Variants in VWC2L observed in about 807,000 individuals in gnomAD.
The protein encoded by VWC2L is von Willebrand factor C domain containing 2 like, also known as von Willebrand factor C domain-containing protein 2-like.
In VWC2L, 10 loss-of-function variants were observed where a neutral mutation model predicts 21.6. The observed-to-expected ratio is 0.46, with a 90% CI of 0.29 to 0.78. The LOEUF is 0.78. Ranked by LOEUF, VWC2L falls within the 30% of genes least tolerant of loss-of-function variation. VWC2L has a pLI of 0.10. For synonymous variants in VWC2L, 96 were observed against 94.3 expected (o/e 1.02, Z -0.10); for missense variants, 209 against 277.1 (o/e 0.75, Z 1.74).
intron 3 of VWC2L, among the ~76,000 whole-genome samples, chr2:214,478,013 C>G (rs1037367627): frequency 1.3e-5 from 2 of 152,136 alleles, no homozygotes; most frequent in African/African-American, 4.8e-5. Flanking sequence ...CTCAGACAGG[C>G]CTTTGGGCAC....
chr2:214,489,500 T>A (rs1688717146), intron 3 of VWC2L, among the ~76,000 whole-genome samples: 1 of 152,156 alleles, frequency 6.6e-6, no homozygotes. Context: ...ACAGAGATTT[T>A]AAATATGTTA....
At chr2:214,542,647 C>T (rs543249836) in intron 3 of VWC2L, among the ~76,000 whole-genome samples, 10 of 152,234 alleles carry the variant, frequency 6.6e-5, no homozygotes, top group South Asian at 4.1e-4. Flanking sequence ...CTGCAGGCAG[C>T]GGTCAAAACA....
Position 214,489,603 on chromosome 2 carries a change from G to A in VWC2L, c.520+52845G>A, listed in dbSNP as rs181904964. On this transcript the variant is annotated intron_variant, in intron 3 of 3. Coordinates refer to ENST00000312504, the MANE Select transcript of VWC2L (RefSeq NM_001080500.4). ...TGATGTTGAGATTTCTGGCTTAATG[G>A]ATTTTGGAACCTTCACTGAGATAGG... Among the ~76,000 whole-genome samples the A allele has an allele frequency of 1.2e-4, 19 of 152,314 alleles. No individual in the cohort carries two copies. The East Asian group carries it at 3.3e-3, about 26-fold the overall frequency.
intron 2 of VWC2L, 182 bp from the exon 3 acceptor site, chr2:214,436,447 T>C: frequency 1.5e-6 from 1 of 668,676 alleles, no homozygotes; most frequent in Non-Finnish European, 2.4e-6. Flanking sequence ...CAGGTTGTAA[T>C]CCACTGTGAC....
chr2:214,435,661 C>T (rs145874593), intron 2 of VWC2L, among the ~76,000 whole-genome samples: 2 of 152,174 alleles, frequency 1.3e-5, no homozygotes, highest in African/African-American at 4.8e-5. Flanking sequence ...AGATTGGAGG[C>T]AGAGCTTTCT....
At chr2:214,512,467 C>A (rs1012695019) in intron 3 of VWC2L, among the ~76,000 whole-genome samples, 5 of 151,986 alleles carry the variant, frequency 3.3e-5, no homozygotes, top group Non-Finnish European at 7.4e-5. Context: ...AGACTTAATA[C>A]CTGGGTGACA....
intron 3 of VWC2L, among the ~76,000 whole-genome samples, chr2:214,559,596 C>T (rs1006082248): frequency 2.0e-5 from 3 of 149,362 alleles, no homozygotes; most frequent in Admixed American, 6.6e-5. Context: ...CAAATTTAAT[C>T]CCATTCTTTT....
intron 3 of VWC2L, among the ~76,000 whole-genome samples, chr2:214,468,665 C>A (rs1418385579): frequency 6.6e-6 from 1 of 151,942 alleles, no homozygotes; most frequent in Admixed American, 6.6e-5. Flanking sequence ...TTAACTTTAT[C>A]ACTCAGTTTC....
chr2:214,414,204 A>G lies in VWC2L; in HGVS notation c.11A>G (p.His4Arg), dbSNP rs1574551528. 2 of 1,611,054 alleles carry G rather than the reference A, an allele frequency of 1.2e-6. No homozygotes were observed. Among genetic ancestry groups the G allele is most frequent in the Non-Finnish European group, 8.5e-7 (1 of 1,179,180 alleles). Residue 4 changes from histidine (H) to arginine (R), a missense_variant, in exon 2 of 4, where the codon CAT (histidine) becomes CGT (arginine). Transcript: ENST00000312504. ...TCTTTGAAGAGGGGGATGGCTCTTCATATTCATGAAGCTTGCATACTTCTG... is the reference window on the plus strand; with the variant it reads ...TCTTTGAAGAGGGGGATGGCTCTTCGTATTCATGAAGCTTGCATACTTCTG... The part of the protein sequence containing the change: MAL[H>R]IHEACILLLV...
intron 3 of VWC2L, among the ~76,000 whole-genome samples, chr2:214,489,629 G>T (rs1476689830): frequency 6.6e-6 from 1 of 152,204 alleles, no homozygotes; most frequent in Admixed American, 6.5e-5. Flanking sequence ...CTGAGATAGG[G>T]AGCTCTGGAG....
rs1559337178 is a variant in VWC2L at position 214,577,695 on chromosome 2, A to T, written c.*1875A>T. The T allele has an allele frequency of 2.0e-5, 3 of 152,036 alleles. No individual in the cohort carries two copies. The South Asian group carries it at 6.2e-4, about 32-fold the overall frequency. The allele number at this position is 152,036 out of a possible 1,614,324, so 9.4% of individuals were successfully genotyped here. Reference sequence around the variant, plus strand: ...CTATAGGCCCACCCTCAGGAAACATATTTTTTTGAGTCTTGTCAACTGGTT... The same window carrying T: ...CTATAGGCCCACCCTCAGGAAACATTTTTTTTTGAGTCTTGTCAACTGGTT... On this transcript the variant is annotated 3_prime_UTR_variant, in exon 4 of 4. Transcript: ENST00000312504.
intron 3 of VWC2L, among the ~76,000 whole-genome samples, chr2:214,559,971 T>C (rs1689940824): frequency 6.6e-6 from 1 of 152,210 alleles, no homozygotes. Flanking sequence ...AAGTTATATT[T>C]CCAGTGCCTG....
chr2:214,542,114 T>C (rs1350815608), intron 3 of VWC2L, among the ~76,000 whole-genome samples: 2 of 152,130 alleles, frequency 1.3e-5, no homozygotes, highest in African/African-American at 4.8e-5. Flanking sequence ...CTTCCTCTTA[T>C]TTTAGGTGGC....
intron 3 of VWC2L, among the ~76,000 whole-genome samples, chr2:214,496,245 T>TTATTTTGGGACATATA (rs1553594758): frequency 7.0e-6 from 1 of 142,552 alleles, no homozygotes; most frequent in African/African-American, 2.6e-5. Flanking sequence ...TATTACAATC[T>TTATTTTGGGACATATA]TATGGGACAA....
intron 3 of VWC2L, among the ~76,000 whole-genome samples, chr2:214,481,390 CTG>C (rs1688601925): frequency 6.6e-6 from 1 of 152,174 alleles, no homozygotes; most frequent in African/African-American, 2.4e-5. Context: ...AAAGGCTCAG[CTG>C]ACAGCTAGGA....
chr2:214,467,738 G>A (rs960009583), intron 3 of VWC2L, among the ~76,000 whole-genome samples: 3 of 152,152 alleles, frequency 2.0e-5, no homozygotes, highest in East Asian at 1.9e-4. Flanking sequence ...AAATTAAAAC[G>A]TAATATTCAT....
chr2:214,539,265 G>T (rs1559323934), intron 3 of VWC2L, among the ~76,000 whole-genome samples: 1 of 152,040 alleles, frequency 6.6e-6, no homozygotes, highest in Admixed American at 6.6e-5. Flanking sequence ...CAAGGGAAAC[G>T]ATTTATTCCC....
At chr2:214,565,339 T>A (rs1476521494) in intron 3 of VWC2L, among the ~76,000 whole-genome samples, 1 of 152,164 alleles carries the variant, frequency 6.6e-6, no homozygotes, top group Non-Finnish European at 1.5e-5. Context: ...TTAGACTTTC[T>A]CCCATCACAT....
intron 3 of VWC2L, among the ~76,000 whole-genome samples, chr2:214,558,615 T>C (rs1477274306): frequency 2.6e-5 from 4 of 152,198 alleles, no homozygotes; most frequent in African/African-American, 9.6e-5. Flanking sequence ...CCCTTCTTCA[T>C]GGCCACCACC....
Sources: allele counts gnomAD v4.1 joint callset (sites outside exome capture counted in the v4.1 genomes callset), GRCh38; gene constraint gnomAD v4.1.1; transcripts MANE v1.5; gene names NCBI Gene and HGNC (gene_info 2026-07-23, HGNC 2026-07-21).